The following SPRY3 variants were observed in gnomAD, a reference collection of about 807,000 sequenced individuals.
SPRY3 encodes the protein sprouty RTK signaling antagonist 3.
A neutral mutation model predicts 20.2 loss-of-function variants in SPRY3; 15 were observed. The observed-to-expected ratio is 0.74, with a 90% CI of 0.50 to 1.14. The LOEUF (loss-of-function observed/expected upper bound fraction) is 1.14. SPRY3 is among the 50% of genes most tolerant of loss of function. SPRY3 has a pLI of 0.00. For synonymous variants in SPRY3, 143 were observed against 136.5 expected (o/e 1.05, Z -0.33); for missense variants, 364 against 363.9 (o/e 1.00, Z 0.00).
intron 2 of SPRY3, among the ~76,000 whole-genome samples, chrX:155,749,877 A>G (rs114224672): frequency 0.015 from 2,307 of 151,924 alleles, 66 homozygotes; most frequent in African/African-American, 0.053. Flanking sequence ...TTGAATACCC[A>G]GTGGGATACA....
intron 2 of SPRY3, among the ~76,000 whole-genome samples, chrX:155,749,863 G>C (rs1196993632): frequency 6.6e-6 from 1 of 151,742 alleles, no homozygotes; most frequent in African/African-American, 2.4e-5. Context: ...TTCAATTGGA[G>C]ATTTTGAATA....
At chrX:155,743,186 C>A (rs1230413711) in intron 2 of SPRY3, among the ~76,000 whole-genome samples, 4 of 152,108 alleles carry the variant, frequency 2.6e-5, no homozygotes, top group Admixed American at 6.6e-5. Flanking sequence ...ATGCTATAAA[C>A]ACCTCTGTGC....
chrX:155,715,377 G>T (rs1166694758), intron 2 of SPRY3, among the ~76,000 whole-genome samples: 1 of 152,100 alleles, frequency 6.6e-6, no homozygotes, highest in African/African-American at 2.4e-5. Context: ...TGTCTGGGAG[G>T]TAGGGCCTGG....
At chrX:155,683,603 G>T (rs2068079763) in intron 2 of SPRY3, among the ~76,000 whole-genome samples, 1 of 111,866 alleles carries the variant, frequency 8.9e-6, no homozygotes, top group African/African-American at 3.3e-5. Context: ...TATTTTTATT[G>T]TGATATTTGC....
At chrX:155,720,051 C>A (rs1226116675) in intron 2 of SPRY3, among the ~76,000 whole-genome samples, 3 of 152,136 alleles carry the variant, frequency 2.0e-5, no homozygotes, top group Admixed American at 6.5e-5. Flanking sequence ...TGCCCTGGGT[C>A]AGAGGGGAGC....
chrX:155,749,645 A>AG (rs1325419082), intron 2 of SPRY3, among the ~76,000 whole-genome samples: 1 of 151,808 alleles, frequency 6.6e-6, no homozygotes, highest in African/African-American at 2.4e-5. Context: ...ATAGAAATTG[A>AG]GGTGAGGGCA....
chrX:155,711,033 T>G lies in SPRY3; in HGVS notation c.-282+54008T>G, dbSNP rs772419069. On this transcript the variant is annotated intron_variant, in intron 2 of 3. Transcript: ENST00000675360. ...AATCCCACTTGGTCATGATAAATGA[T>G]CTTCTCAGTGTGTTGTGCAACTTGG... Among the ~76,000 whole-genome samples, 4 of 151,906 alleles carry G rather than the reference T, an allele frequency of 2.6e-5. No individual in the cohort carries two copies. The South Asian group carries it at 6.2e-4, about 24-fold the overall frequency.
At chrX:155,619,337 G>A (rs1557349210) in intron 1 of SPRY3, among the ~76,000 whole-genome samples, 1 of 109,991 alleles carries the variant, frequency 9.1e-6, no homozygotes, top group Non-Finnish European at 1.9e-5. Flanking sequence ...AGTCAGTTGG[G>A]CAAATTTGTG....
At chrX:155,660,700 C>T (rs926302341) in intron 2 of SPRY3, among the ~76,000 whole-genome samples, 27 of 109,825 alleles carry the variant, frequency 2.5e-4, no homozygotes, top group African/African-American at 8.6e-4. Context: ...CTGAGTGTTC[C>T]AGTGTTGTGT....
intron 1 of SPRY3, among the ~76,000 whole-genome samples, chrX:155,621,489 T>A (rs1473387174): frequency 2.7e-5 from 3 of 111,773 alleles, no homozygotes; most frequent in Non-Finnish European, 5.6e-5. Context: ...TGGATTTTCC[T>A]TTGTTCTACC....
intron 2 of SPRY3, among the ~76,000 whole-genome samples, chrX:155,759,097 G>T (rs1369907317): frequency 1.4e-5 from 2 of 143,112 alleles, no homozygotes; most frequent in African/African-American, 2.6e-5. Context: ...CTCTTACACT[G>T]TTGCCCAGGC....
intron 2 of SPRY3, among the ~76,000 whole-genome samples, chrX:155,755,795 C>T (rs940051962): frequency 6.6e-6 from 1 of 151,818 alleles, no homozygotes; most frequent in African/African-American, 2.4e-5. Flanking sequence ...AAGGGATTCC[C>T]TTTTTAAAAG....
At chrX:155,768,399 G>C (rs1274424392) in intron 3 of SPRY3, among the ~76,000 whole-genome samples, 1 of 152,174 alleles carries the variant, frequency 6.6e-6, no homozygotes, top group East Asian at 1.9e-4. Context: ...CTAGGCGAAT[G>C]TCAATTTAAT....
chrX:155,774,503 G>C (rs1221095560), exon 4 of SPRY3: 1 of 1,614,008 alleles, frequency 6.2e-7, no homozygotes. Context: ...GATGAGCCCT[G>C]CTCTTGTGGG....
At chrX:155,769,460 G>T (rs1346225772) in intron 3 of SPRY3, among the ~76,000 whole-genome samples, 2 of 152,026 alleles carry the variant, frequency 1.3e-5, no homozygotes, top group African/African-American at 4.8e-5. Context: ...GAGGTCATTT[G>T]CCTACAGCCA....
chrX:155,718,324 A>T (rs1041029750), intron 2 of SPRY3, among the ~76,000 whole-genome samples: 18 of 152,202 alleles, frequency 1.2e-4, no homozygotes, highest in Non-Finnish European at 2.4e-4. Flanking sequence ...GATTGTGTTC[A>T]GAAAAATACC....
chrX:155,687,770 A>T (rs761450540), intron 2 of SPRY3, among the ~76,000 whole-genome samples: 5 of 112,275 alleles, frequency 4.5e-5, no homozygotes, highest in African/African-American at 1.6e-4. Flanking sequence ...CTTGAGTAAC[A>T]TGCTCATATC....
chrX:155,656,706 C>T lies in SPRY3; in HGVS notation c.-440-161C>T, dbSNP rs149090604. Among the ~76,000 whole-genome samples, 770 of 111,470 alleles carry T rather than the reference C, an allele frequency of 6.9e-3. 7 individuals are homozygous for T. The highest frequency in any genetic ancestry group is 0.024 in the African/African-American group (728 of 30,698). ...GTTTTTGGAATTTTCAGCCTTTTTACGCTGGTTTTTTTCTCATCCTCATGG... is the reference window on the plus strand; with the variant it reads ...GTTTTTGGAATTTTCAGCCTTTTTATGCTGGTTTTTTTCTCATCCTCATGG... On this transcript the variant is annotated intron_variant, in intron 1 of 3. Transcript: ENST00000675360.
At chrX:155,633,262 C>T (rs1341905353) in intron 1 of SPRY3, among the ~76,000 whole-genome samples, 2 of 107,077 alleles carry the variant, frequency 1.9e-5, no homozygotes, top group African/African-American at 3.4e-5. Flanking sequence ...TAGACCAGGC[C>T]GGGCACGGTG....
Sources: gnomAD v4.1 joint callset for allele counts (sites outside exome capture counted in the v4.1 genomes callset) on GRCh38, gnomAD v4.1.1 for gene constraint, MANE v1.5 for transcripts, NCBI Gene and HGNC (gene_info 2026-07-23, HGNC 2026-07-21) for gene names.